The following KMT2C variants were observed in gnomAD, a reference collection of about 807,000 sequenced individuals.
The protein encoded by KMT2C is lysine methyltransferase 2C, also known as histone-lysine N-methyltransferase 2C.
Under a neutral mutation model 507.9 loss-of-function variants are expected in KMT2C, and 88 were observed. That is an observed-to-expected ratio of 0.17 (90% CI 0.15 to 0.21). KMT2C has a LOEUF of 0.21. Among genes scored for constraint, KMT2C ranks in the 10% least tolerant of loss-of-function variants. The probability of loss-of-function intolerance (pLI) is 1.00; values close to 1 mark genes in which losing one functional copy is unlikely to be tolerated. For synonymous variants in KMT2C, 2,049 were observed against 2,080.8 expected (o/e 0.98, Z 0.42); for missense variants, 4,954 against 5,957.8 (o/e 0.83, Z 5.55).
chr7:152,279,363 G>T (rs980326594), intron 6 of KMT2C, among the ~76,000 whole-genome samples: 21 of 152,128 alleles, frequency 1.4e-4, no homozygotes, highest in African/African-American at 4.8e-4. Flanking sequence ...TAAGACTAAA[G>T]AATTAAAATA....
At chr7:152,380,089 AGGGGT>A (rs2097359510) in intron 1 of KMT2C, among the ~76,000 whole-genome samples, 2 of 151,194 alleles carry the variant, frequency 1.3e-5, no homozygotes. Context: ...AAACTTAGCC[AGGGGT>A]GGCAGCATGT....
intron 1 of KMT2C, among the ~76,000 whole-genome samples, chr7:152,369,332 CA>C (rs1004820717): frequency 6.8e-6 from 1 of 146,940 alleles, no homozygotes; most frequent in Non-Finnish European, 1.5e-5. Context: ...CAAAAAAAAA[CA>C]AAAACAAAAA....
At chr7:152,362,284 T>C (rs2097203329) in intron 1 of KMT2C, among the ~76,000 whole-genome samples, 1 of 152,124 alleles carries the variant, frequency 6.6e-6, no homozygotes, top group Non-Finnish European at 1.5e-5. Flanking sequence ...AAATGCAAAA[T>C]TCTTGAGATG....
chr7:152,381,562 C>T (rs1246863748), intron 1 of KMT2C, among the ~76,000 whole-genome samples: 1 of 152,214 alleles, frequency 6.6e-6, no homozygotes, highest in South Asian at 2.1e-4. Flanking sequence ...ACATTAGTTC[C>T]ATTTTCTACT....
Position 152,252,231 on chromosome 7 carries a change from C to T in KMT2C, c.1470-141G>A, listed in dbSNP as rs1294083140. On this transcript the variant is annotated intron_variant, in intron 10 of 58. Transcript: ENST00000262189. The stretch of plus-strand genomic sequence containing the variant: ...AGAGGTTAGAGGAGTTGCTAACTGA[C>T]AAAGGTTTTTTAAAGCACATTTGTG... 5 of 624,504 alleles carry T rather than the reference C, an allele frequency of 8.0e-6. No individual in the cohort carries two copies. The South Asian group carries it at 1.4e-4, about 17-fold the overall frequency. 38.7% of individuals were successfully genotyped at this position (624,504 alleles called of 1,614,324 possible). A position where few individuals can be genotyped will look rare whatever the true frequency, so the allele number is the denominator to read the frequency against.
At chr7:152,193,894 A>G in intron 31 of KMT2C, 115 bp downstream of exon 31, 1 of 835,358 alleles carries the variant, frequency 1.2e-6, no homozygotes, top group Non-Finnish European at 1.7e-6. Context: ...TCTCCCTATC[A>G]GTTTGTATAC....
intron 18 of KMT2C, among the ~76,000 whole-genome samples, chr7:152,228,474 T>G (rs2095001666): frequency 6.6e-5 from 10 of 152,220 alleles, no homozygotes; most frequent in Admixed American, 6.5e-4. Flanking sequence ...GAGACTGCAG[T>G]ATTCTATACT....
intron 1 of KMT2C, among the ~76,000 whole-genome samples, chr7:152,410,602 T>C (rs2097672051): frequency 6.8e-6 from 1 of 147,730 alleles, no homozygotes; most frequent in South Asian, 2.1e-4. Context: ...TTTTTTTAAG[T>C]TTTAATTTAT....
At chr7:152,307,201 G>GGAAA (rs1563802364) in intron 6 of KMT2C, among the ~76,000 whole-genome samples, 1 of 80,608 alleles carries the variant, frequency 1.2e-5, no homozygotes, top group African/African-American at 5.5e-5. Context: ...GAGGGAGGAA[G>GGAAA]GAAGGAAGGA....
chr7:152,415,821 A>C (rs894883915), intron 1 of KMT2C, among the ~76,000 whole-genome samples: 5 of 152,266 alleles, frequency 3.3e-5, no homozygotes, highest in African/African-American at 1.2e-4. Flanking sequence ...CGAAGGTTGC[A>C]GTAAGCCAAG....
intron 3 of KMT2C, among the ~76,000 whole-genome samples, chr7:152,321,991 T>A (rs2096776884): frequency 6.6e-6 from 1 of 151,710 alleles, no homozygotes. Flanking sequence ...CAATGCTGGA[T>A]GCATCACCCT....
At chr7:152,319,276 T>C (rs2096749873) in intron 3 of KMT2C, among the ~76,000 whole-genome samples, 1 of 152,152 alleles carries the variant, frequency 6.6e-6, no homozygotes, top group African/African-American at 2.4e-5. Flanking sequence ...ATGAATATCA[T>C]TAATCATTAG....
chr7:152,182,686 T>C, intron 35 of KMT2C, 92 bp from the exon 36 acceptor site: 4 of 1,176,942 alleles, frequency 3.4e-6, no homozygotes, highest in East Asian at 2.4e-5. Flanking sequence ...GTTAATTTGT[T>C]TGATGTCAGC....
At chr7:152,377,321 AG>A (rs2097336454) in intron 1 of KMT2C, among the ~76,000 whole-genome samples, 1 of 152,302 alleles carries the variant, frequency 6.6e-6, no homozygotes, top group Non-Finnish European at 1.5e-5. Flanking sequence ...AGGTCATTCG[AG>A]GGCTTTGATG....
At chr7:152,323,965 GTAGAATC>G (rs990868178) in intron 3 of KMT2C, among the ~76,000 whole-genome samples, 8 of 151,704 alleles carry the variant, frequency 5.3e-5, no homozygotes, top group African/African-American at 1.9e-4. Context: ...TCACTTATAT[GTAGAATC>G]TAAAAAAGTT....
chr7:152,138,722 G>C lies in KMT2C; in HGVS notation c.14643+74C>G, dbSNP rs553849627. 2.4e-4 allele frequency: 213 copies of C among 894,182 alleles called. 1 individual carries two copies. The highest frequency in any genetic ancestry group is 2.4e-3 in the South Asian group (147 of 61,968). The allele number at this position is 894,182 out of a possible 1,614,324, so 55.4% of individuals were successfully genotyped here. A position where few individuals can be genotyped will look rare whatever the true frequency, so the allele number is the denominator to read the frequency against. ...AAAGAATTGGGAAACAAGTGAGTAA[G>C]TGACCTGTGTGAGGAGGGAACTATT... On this transcript the variant is annotated intron_variant, in intron 58 of 58. Transcript: ENST00000262189. This position sits in a 1 kb window ranked among gnomAD's most constrained non-coding sequence, Gnocchi z 4.2.
chr7:152,244,758 A>G (rs1172462915), intron 14 of KMT2C, among the ~76,000 whole-genome samples: 30 of 152,328 alleles, frequency 2.0e-4, no homozygotes, highest in African/African-American at 7.0e-4. Context: ...ATCTTATTCT[A>G]TTCACAGCCA....
chr7:152,319,000 CTTTT>C (rs1356008179), intron 3 of KMT2C, among the ~76,000 whole-genome samples: 4 of 152,126 alleles, frequency 2.6e-5, no homozygotes, highest in African/African-American at 9.7e-5. Flanking sequence ...AAATTCAAAA[CTTTT>C]TAAGCACCAA....
intron 1 of KMT2C, among the ~76,000 whole-genome samples, chr7:152,401,871 G>T (rs1367252853): frequency 3.3e-5 from 5 of 151,820 alleles, no homozygotes; most frequent in South Asian, 2.1e-4. Flanking sequence ...AGCACTCTGG[G>T]AGGCTGAGGC....
Sources: allele counts gnomAD v4.1 joint callset (sites outside exome capture counted in the v4.1 genomes callset), GRCh38; gene constraint gnomAD v4.1.1; non-coding constraint Gnocchi (gnomAD v3.1); transcripts MANE v1.5; gene names NCBI Gene and HGNC (gene_info 2026-07-23, HGNC 2026-07-21).